The following CTNNA3 variants were observed in gnomAD, a reference collection of about 807,000 sequenced individuals.
CTNNA3 encodes catenin alpha-3.
Under a neutral mutation model 95.7 loss-of-function variants are expected in CTNNA3, and 76 were observed. The ratio of observed to expected loss-of-function variants is 0.79; its 90% CI spans 0.66 to 0.96. The LOEUF is 0.96. Among genes scored for constraint, CTNNA3 ranks in the 40% least tolerant of loss-of-function variants. The probability of loss-of-function intolerance (pLI) is 0.00; values close to 1 mark genes in which losing one functional copy is unlikely to be tolerated. For synonymous variants in CTNNA3, 431 were observed against 374.4 expected, an observed-to-expected ratio of 1.15 and a Z score of -1.74; for missense variants, 1,191 against 1,089.8, an observed-to-expected ratio of 1.09 and a Z score of -1.31.
chr10:67,755,674 C>T (rs1376615205), intron 1 of CTNNA3, among the ~76,000 whole-genome samples: 5 of 151,480 alleles, frequency 3.3e-5, no homozygotes, highest in East Asian at 1.9e-4. Context: ...TGGTGGCACA[C>T]GCCTGTGATC....
intron 7 of CTNNA3, among the ~76,000 whole-genome samples, chr10:66,863,269 T>C (rs527909478): frequency 6.6e-6 from 1 of 152,114 alleles, no homozygotes; most frequent in East Asian, 1.9e-4. Context: ...CTATTAGTTC[T>C]GTTTCTCTGA....
chr10:66,069,434 G>A lies in CTNNA3; in HGVS notation c.2033C>T (p.Ala678Val), dbSNP rs750846964. The change falls in exon 15 of 18, where the codon GCT becomes GTT. Residue 678 changes from alanine to valine, a missense_variant. Ala to Val is a moderately conservative substitution (Grantham distance 64). Coordinates refer to ENST00000433211, the MANE Select transcript of CTNNA3 (RefSeq NM_013266.4). The part of the protein sequence containing the change: ...AEKEKIAEQV[A>V]DFKKVKSKLD... ...CTTACTCTTTACTTTCTTGAAATCA[G>A]CAACTTGCTCAGCAATCTTTTCTTT... The A allele has an allele frequency of 7.4e-6, 12 of 1,613,344 alleles. No individual in the cohort carries two copies. Among genetic ancestry groups the A allele is most frequent in the East Asian group, 2.2e-5 (1 of 44,798 alleles).
intron 15 of CTNNA3, among the ~76,000 whole-genome samples, chr10:66,024,419 AC>A (rs1404308988): frequency 6.6e-6 from 1 of 152,184 alleles, no homozygotes; most frequent in African/African-American, 2.4e-5. Flanking sequence ...ATCAAAATTT[AC>A]CCAAAGTCGT....
At chr10:66,901,763 G>C (rs1423815804) in intron 7 of CTNNA3, among the ~76,000 whole-genome samples, 1 of 152,102 alleles carries the variant, frequency 6.6e-6, no homozygotes, top group African/African-American at 2.4e-5. Flanking sequence ...AACCAACAAA[G>C]ATCAAAAGAG....
At chr10:66,878,054 G>A (rs763413653) in intron 7 of CTNNA3, among the ~76,000 whole-genome samples, 5 of 152,064 alleles carry the variant, frequency 3.3e-5, no homozygotes, top group Admixed American at 6.6e-5. Context: ...CCAGGCACTC[G>A]GTTTTCGGAA....
intron 13 of CTNNA3, among the ~76,000 whole-genome samples, chr10:66,127,203 C>T (rs935991925): frequency 1.4e-5 from 2 of 139,434 alleles, no homozygotes; most frequent in African/African-American, 2.7e-5. Context: ...ACCCAGGAGG[C>T]GGAGCTTGCA....
intron 3 of CTNNA3, among the ~76,000 whole-genome samples, chr10:67,587,220 TG>T (rs1842658633): frequency 6.6e-6 from 1 of 151,124 alleles, no homozygotes; most frequent in African/African-American, 2.4e-5. Context: ...TGTGTGTGTG[TG>T]TGTGTGTGTG....
intron 12 of CTNNA3, among the ~76,000 whole-genome samples, chr10:66,308,779 T>C (rs909941611): frequency 6.6e-6 from 1 of 152,212 alleles, no homozygotes; most frequent in African/African-American, 2.4e-5. Context: ...AATTTGCTTA[T>C]ATTATAAACA....
At chr10:67,056,062 T>C (rs1855408493) in intron 7 of CTNNA3, among the ~76,000 whole-genome samples, 1 of 152,100 alleles carries the variant, frequency 6.6e-6, no homozygotes, top group African/African-American at 2.4e-5. Context: ...TGAAGAATGC[T>C]TGTAAAGTAT....
At chr10:67,482,621 G>T (rs951019881) in intron 5 of CTNNA3, among the ~76,000 whole-genome samples, 2 of 152,186 alleles carry the variant, frequency 1.3e-5, no homozygotes, top group Non-Finnish European at 2.9e-5. Context: ...TTTTGCTGAA[G>T]TTGCTTATCA....
Position 66,335,392 on chromosome 10 carries a change from G to A in CTNNA3, c.1732+43760C>T, listed in dbSNP as rs532533283. 3.9e-5 allele frequency among the ~76,000 whole-genome samples: 6 copies of A among 152,026 alleles called. 1 individual carries two copies. The highest frequency in any genetic ancestry group is 4.2e-4 in the South Asian group (2 of 4,814). ...ACCTTTGGTCTTTGATGATGGTGAC[G>A]TACAGATGGTGTTTTGGTGTGGATG... On this transcript the variant is annotated intron_variant, in intron 12 of 17. Coordinates refer to ENST00000433211, the MANE Select transcript of CTNNA3 (RefSeq NM_013266.4).
chr10:67,164,726 A>C (rs577203499), intron 7 of CTNNA3, among the ~76,000 whole-genome samples: 16 of 152,308 alleles, frequency 1.1e-4, no homozygotes, highest in African/African-American at 3.6e-4. Context: ...GAAAATAGGC[A>C]AAAAACATGA....
At chr10:66,330,918 G>T (rs548459500) in intron 12 of CTNNA3, among the ~76,000 whole-genome samples, 5 of 152,014 alleles carry the variant, frequency 3.3e-5, no homozygotes, top group African/African-American at 1.2e-4. Context: ...TGATGGGGTG[G>T]TTTGTTTTTT....
At chr10:67,558,489 A>C (rs1369769053) in intron 3 of CTNNA3, among the ~76,000 whole-genome samples, 1 of 152,216 alleles carries the variant, frequency 6.6e-6, no homozygotes, top group African/African-American at 2.4e-5. Context: ...GCATGAAACT[A>C]TCTGAATGCG....
intron 7 of CTNNA3, among the ~76,000 whole-genome samples, chr10:67,069,710 T>C (rs1192604589): frequency 6.6e-6 from 1 of 152,080 alleles, no homozygotes; most frequent in Non-Finnish European, 1.5e-5. Flanking sequence ...TGTGTCTCAC[T>C]CAACATTATG....
At chr10:67,065,377 T>A (rs1856013156) in intron 7 of CTNNA3, among the ~76,000 whole-genome samples, 1 of 152,178 alleles carries the variant, frequency 6.6e-6, no homozygotes, top group Admixed American at 6.5e-5. Context: ...TTATAATTAA[T>A]AAAGGTATAA....
chr10:66,474,979 A>C (rs1333729337), intron 11 of CTNNA3, among the ~76,000 whole-genome samples: 7 of 151,994 alleles, frequency 4.6e-5, no homozygotes, highest in Admixed American at 3.9e-4. Context: ...CCCTTGTCAC[A>C]AGTGCAGTTT....
chr10:66,493,354 G>C (rs1839986930), intron 11 of CTNNA3, among the ~76,000 whole-genome samples: 1 of 152,108 alleles, frequency 6.6e-6, no homozygotes, highest in Non-Finnish European at 1.5e-5. Context: ...TGCAACAAAG[G>C]CAATGCACTG....
chr10:66,601,605 A>G (rs2132258758), intron 10 of CTNNA3, among the ~76,000 whole-genome samples: 1 of 151,974 alleles, frequency 6.6e-6, no homozygotes, highest in South Asian at 2.1e-4. Context: ...AACCATCTGT[A>G]ATGGGAGGAC....
Sources: gnomAD v4.1 joint callset for allele counts (sites outside exome capture counted in the v4.1 genomes callset) on GRCh38, gnomAD v4.1.1 for gene constraint, MANE v1.5 for transcripts, NCBI Gene and HGNC (gene_info 2026-07-23, HGNC 2026-07-21) for gene names.